TNS1: variants seen among roughly 807,000 people sequenced by gnomAD.
The protein encoded by TNS1 is tensin 1, also known as tensin-1.
In TNS1, 62 loss-of-function variants were observed where a neutral mutation model predicts 168.6. That is an observed-to-expected ratio of 0.37 (90% confidence interval 0.30 to 0.45). TNS1 has a LOEUF of 0.45. TNS1 is among the 20% of genes least tolerant of loss of function. TNS1 has a pLI of 1.00. For synonymous variants in TNS1, 934 were observed against 933.2 expected (o/e 1.00, Z -0.02); for missense variants, 2,240 against 2,339.4 (o/e 0.96, Z 0.88).
intron 4 of TNS1, among the ~76,000 whole-genome samples, chr2:217,919,445 A>C (rs1407599542): frequency 6.6e-6 from 1 of 152,258 alleles, no homozygotes; most frequent in Admixed American, 6.5e-5. Flanking sequence ...ACACAGGCAC[A>C]CAGGTGCATG....
chr2:217,843,903 C>T (rs1312525044), intron 19 of TNS1, among the ~76,000 whole-genome samples: 2 of 152,148 alleles, frequency 1.3e-5, no homozygotes, highest in East Asian at 1.9e-4. Flanking sequence ...GATTCCAAAA[C>T]CTGTAGCTCT....
chr2:217,828,665 C>T (rs1943957412), intron 22 of TNS1, among the ~76,000 whole-genome samples: 1 of 152,206 alleles, frequency 6.6e-6, no homozygotes, highest in South Asian at 2.1e-4. Context: ...TATGCCCCCT[C>T]TCTGCTTCCC....
chr2:217,911,148 C>T (rs569338910), intron 4 of TNS1, among the ~76,000 whole-genome samples: 11 of 152,320 alleles, frequency 7.2e-5, no homozygotes, highest in African/African-American at 2.4e-4. Flanking sequence ...AGCTTAAGGT[C>T]CCCAGGCTTT....
chr2:217,850,657 G>T (rs1947363788), intron 18 of TNS1: 1 of 961,476 alleles, frequency 1.0e-6, no homozygotes, highest in African/African-American at 1.8e-5. Context: ...TCTAATCCAG[G>T]CTCTCCGTTA....
At chr2:218,018,019 T>C (rs1380109613) in intron 1 of TNS1, among the ~76,000 whole-genome samples, 3 of 152,154 alleles carry the variant, frequency 2.0e-5, no homozygotes, top group Non-Finnish European at 4.4e-5. Flanking sequence ...GGAGATCCAG[T>C]TAGCAGGCTA....
Position 217,995,547 on chromosome 2 carries a change from G to A in TNS1, c.34-4491C>T, listed in dbSNP as rs1958454074. The stretch of plus-strand genomic sequence containing the variant: ...CCCCCCGGGTTGTTCTGCAGGTACA[G>A]GCAGAGGATGTAAACAAGCCCCAAA... On this transcript the variant is annotated intron_variant, in intron 1 of 32. Transcript: ENST00000682258. This position sits in a 1 kb window ranked among gnomAD's most constrained non-coding sequence, Gnocchi z 4.1. Among the ~76,000 whole-genome samples, 1 of 152,192 alleles carries A rather than the reference G, an allele frequency of 6.6e-6. No individual in the cohort carries two copies. The highest frequency in any genetic ancestry group is 2.1e-4 in the South Asian group (1 of 4,830).
At chr2:218,013,448 G>A (rs1958727313), upstream of TNS1, among the ~76,000 whole-genome samples, 1 of 152,118 alleles carries the variant, frequency 6.6e-6, no homozygotes, top group Non-Finnish European at 1.5e-5. Context: ...GGCAGGTTCT[G>A]GGCTGCCCTG....
intron 3 of TNS1, among the ~76,000 whole-genome samples, chr2:217,929,840 G>C (rs1212653858): frequency 2.0e-5 from 3 of 152,012 alleles, no homozygotes; most frequent in Non-Finnish European, 4.4e-5. Flanking sequence ...CCCCTTCTCA[G>C]GTCCTATTAA....
chr2:217,833,354 C>G (rs1944719844), intron 21 of TNS1, among the ~76,000 whole-genome samples: 2 of 152,264 alleles, frequency 1.3e-5, no homozygotes, highest in South Asian at 2.1e-4. Context: ...ACGCTAAAGC[C>G]AGGCAAGTCT....
rs749488016 is a variant in TNS1 at position 217,809,966 on chromosome 2, A to G, written c.5130T>C (p.Ser1710=). The stretch of plus-strand genomic sequence containing the variant: ...GCCCAGTGAGTGACTCCATGTCCAC[A>G]GAGTTGACGAAGAGCACATTGCAGG... ...GAACNVLFVN[S]VDMESLTGPQ... The change falls in exon 30 of 33, where the codon TCT becomes TCC. Residue 1710 remains serine (S), a synonymous_variant. Coordinates refer to ENST00000682258, the MANE Select transcript of TNS1 (RefSeq NM_001387777.1). 2 of 1,612,166 alleles carry G rather than the reference A, an allele frequency of 1.2e-6. No individual in the cohort carries two copies. The highest frequency in any genetic ancestry group is 2.7e-5 in the African/African-American group (2 of 74,848).
intron 16 of TNS1, among the ~76,000 whole-genome samples, chr2:217,883,962 T>C (rs12694423): frequency 0.17 from 26,241 of 152,170 alleles, 3,252 homozygotes; most frequent in African/African-American, 0.34. Flanking sequence ...CCTATCATGC[T>C]TGTGCGTGTC....
At chr2:217,853,869 C>G (rs189116742) in intron 18 of TNS1, among the ~76,000 whole-genome samples, 1 of 152,166 alleles carries the variant, frequency 6.6e-6, no homozygotes, top group Non-Finnish European at 1.5e-5. Context: ...GAGGTGTGTG[C>G]GGCACTAGCC....
Position 217,861,535 on chromosome 2 carries a change from T to C in TNS1, c.1430-12448A>G, listed in dbSNP as rs951547601. ...CTTTTGTTAATGCAGCCTAAGATTA[T>C]GCCTGGCCCTTCTCATTCTCATCAC... On this transcript the variant is annotated intron_variant, in intron 18 of 32. Coordinates refer to ENST00000682258, the MANE Select transcript of TNS1 (RefSeq NM_001387777.1). Among the ~76,000 whole-genome samples, 10 of 152,356 alleles carry C rather than the reference T, an allele frequency of 6.6e-5. No individual in the cohort carries two copies. The East Asian group carries it at 1.9e-3, about 29-fold the overall frequency.
intron 1 of TNS1, among the ~76,000 whole-genome samples, chr2:218,022,099 G>A (rs1215099019): frequency 6.6e-6 from 1 of 152,180 alleles, no homozygotes; most frequent in African/African-American, 2.4e-5. Context: ...TCAACACCCA[G>A]GAAGGCAGGT....
intron 2 of TNS1, among the ~76,000 whole-genome samples, chr2:217,989,279 T>G (rs1298745069): frequency 6.6e-6 from 1 of 152,124 alleles, no homozygotes; most frequent in African/African-American, 2.4e-5. Flanking sequence ...GGAGCTGACA[T>G]AATTGGGCTT....
Position 217,813,811 on chromosome 2 carries a change from C to T in TNS1, c.4735G>A (p.Ala1579Thr), listed in dbSNP as rs369175639. Residue 1579 changes from alanine to threonine, a missense_variant, in exon 26 of 33, where the codon GCG (alanine) becomes ACG (threonine). This residue lies in a region of TNS1 where 2,131 missense variants were observed against 2,171.2 expected (regional missense o/e 0.98). Coordinates refer to ENST00000682258, the MANE Select transcript of TNS1 (RefSeq NM_001387777.1). This position sits in a 1 kb window ranked among gnomAD's most constrained non-coding sequence, Gnocchi z 4.0. ...CCCGGCTCCTGGTCCTTGAGGAGCGCGATGGCTGCATGGGGAAGGGACAAG... is the reference window on the plus strand; with the variant it reads ...CCCGGCTCCTGGTCCTTGAGGAGCGTGATGGCTGCATGGGGAAGGGACAAG... ...KPEISREQAI[A>T]LLKDQEPGAF... is the part of the protein sequence containing the mutation. 48 of 1,608,120 alleles carry T rather than the reference C, an allele frequency of 3.0e-5. No individual in the cohort carries two copies. The highest frequency in any genetic ancestry group is 2.0e-4 in the Admixed American group (12 of 59,102).
intron 3 of TNS1, among the ~76,000 whole-genome samples, chr2:217,921,839 T>A (rs1244712666): frequency 6.6e-6 from 1 of 152,228 alleles, no homozygotes; most frequent in East Asian, 1.9e-4. Context: ...ATCCTTTCAA[T>A]AACCCAGTAA....
chr2:217,806,224 G>A (rs924622215), intron 32 of TNS1, among the ~76,000 whole-genome samples: 1 of 152,210 alleles, frequency 6.6e-6, no homozygotes, highest in Non-Finnish European at 1.5e-5. Context: ...TCCCGCAATA[G>A]CCCAGTCCTG....
intron 18 of TNS1, among the ~76,000 whole-genome samples, chr2:217,875,062 G>T (rs902219672): frequency 6.6e-6 from 1 of 152,150 alleles, no homozygotes; most frequent in Non-Finnish European, 1.5e-5. Flanking sequence ...AAACATGAGC[G>T]GAAGGAAAAC....
Sources: gnomAD v4.1 joint callset for allele counts (sites outside exome capture counted in the v4.1 genomes callset) on GRCh38, gnomAD v4.1.1 for gene constraint, gnomAD v4.1.1 regional missense constraint, Gnocchi (gnomAD v3.1) non-coding constraint, MANE v1.5 for transcripts, NCBI Gene and HGNC (gene_info 2026-07-23, HGNC 2026-07-21) for gene names.